Variants in AGO4 observed in about 807,000 individuals in gnomAD.
AGO4 encodes the protein protein argonaute-4.
Under a neutral mutation model 104.7 loss-of-function variants are expected in AGO4, and 33 were observed. That is an observed-to-expected ratio of 0.32 (90% CI 0.24 to 0.42). The LOEUF is 0.42. AGO4 is among the 10% of genes least tolerant of loss of function. AGO4 has a pLI of 1.00. For synonymous variants in AGO4, 331 were observed against 364.7 expected (o/e 0.91, Z 1.05); for missense variants, 711 against 1,083.4 (o/e 0.66, Z 4.83).
intron 2 of AGO4, among the ~76,000 whole-genome samples, chr1:35,821,470 C>CA (rs2148657319): frequency 6.6e-6 from 1 of 152,280 alleles, no homozygotes; most frequent in East Asian, 1.9e-4. Flanking sequence ...CTCTAGCATT[C>CA]AAAAATCTCA....
In AGO4 at chr1:35,857,604, C is replaced by A. The variant is rs1317285691; in HGVS notation, c.*3999C>A. 3 of 151,882 alleles carry A rather than the reference C, an allele frequency of 2.0e-5. No individual in the cohort carries two copies. The highest frequency in any genetic ancestry group is 7.3e-5 in the African/African-American group (3 of 41,346). The allele number at this position is 151,882 out of a possible 1,614,324, so 9.4% of individuals were successfully genotyped here. On this transcript the variant is annotated 3_prime_UTR_variant, in exon 18 of 18. Coordinates refer to ENST00000373210, the MANE Select transcript of AGO4 (RefSeq NM_017629.4). ...GTTTAAATTTTGCAATTTTTTTTGG[C>A]CTGCAGGGATATTTTGTGTTTATGT... is the stretch of plus-strand genomic sequence containing the variant.
At chr1:35,827,461 C>T (rs1458886649) in intron 7 of AGO4, among the ~76,000 whole-genome samples, 2 of 151,872 alleles carry the variant, frequency 1.3e-5, no homozygotes, top group Non-Finnish European at 2.9e-5. Context: ...GCAGAGTTTG[C>T]AGTGAGCCAA....
At position 35,851,295 on chromosome 1, in the gene AGO4, C is replaced by T. The variant is rs1644696187; in HGVS notation, c.2477+242C>T. 9 of 519,958 alleles carry T rather than the reference C, an allele frequency of 1.7e-5. No homozygotes were observed. In the South Asian group the frequency reaches 1.9e-4, roughly 11 times the overall value. 32.2% of individuals were successfully genotyped at this position (519,958 alleles called of 1,614,324 possible). A position where few individuals can be genotyped will look rare whatever the true frequency, so the allele number is the denominator to read the frequency against. On this transcript the variant is annotated intron_variant, in intron 17 of 17. Transcript: ENST00000373210. ...TAATTTGGAGCTGCTTGTGGTTCTCCCATGGAGCCAAATGCATTTCAGTTC... is the reference window on the plus strand; with the variant it reads ...TAATTTGGAGCTGCTTGTGGTTCTCTCATGGAGCCAAATGCATTTCAGTTC...
In AGO4 at chr1:35,841,811, CATATATATATATAT is replaced by C. The variant is rs5773512; in HGVS notation, c.2175+75_2175+88del. On this transcript the variant is annotated intron_variant, in intron 15 of 17. Coordinates refer to ENST00000373210, the MANE Select transcript of AGO4 (RefSeq NM_017629.4). The surrounding 1 kb of genome is among the most constrained non-coding windows in gnomAD (Gnocchi z 4.7). ...CTCTGGCAAGAGATGTATATATGCA[CATATATATATATAT>C]ATATATATATATACACCATTTTTAT... 2.0e-5 allele frequency: 12 copies of C among 606,460 alleles called. 1 individual carries two copies. The highest frequency in any genetic ancestry group is 1.0e-4 in the African/African-American group (5 of 49,610). 37.6% of individuals were successfully genotyped at this position (606,460 alleles called of 1,614,324 possible).
chr1:35,849,589 A>G (rs1287707932), intron 15 of AGO4, among the ~76,000 whole-genome samples: 1 of 145,748 alleles, frequency 6.9e-6, no homozygotes, highest in East Asian at 2.1e-4. Flanking sequence ...CAGGAGGCTG[A>G]GGTGAAAGGA....
chr1:35,822,495 C>G (rs1246603994), intron 2 of AGO4, among the ~76,000 whole-genome samples: 1 of 151,936 alleles, frequency 6.6e-6, no homozygotes, highest in Non-Finnish European at 1.5e-5. Context: ...CTCAAGTGAT[C>G]CACCCACCTC....
intron 2 of AGO4, among the ~76,000 whole-genome samples, chr1:35,821,324 A>G (rs917906124): frequency 1.3e-5 from 2 of 152,218 alleles, no homozygotes; most frequent in African/African-American, 4.8e-5. Context: ...GTTTGTAAAC[A>G]TGACTTTCCC....
intron 13 of AGO4, among the ~76,000 whole-genome samples, chr1:35,840,145 C>G (rs879065243): frequency 4.0e-5 from 6 of 150,090 alleles, no homozygotes; most frequent in Non-Finnish European, 8.9e-5. Context: ...GTGAGCGCCT[C>G]CATGCCCGTC....
At chr1:35,820,366 A>AT (rs993535638) in intron 2 of AGO4, among the ~76,000 whole-genome samples, 17 of 151,196 alleles carry the variant, frequency 1.1e-4, no homozygotes, top group South Asian at 6.3e-4. Context: ...TTATTTATGT[A>AT]TTTTTTTTTA....
intron 2 of AGO4, among the ~76,000 whole-genome samples, chr1:35,819,956 T>C (rs1457224845): frequency 1.3e-5 from 2 of 151,794 alleles, no homozygotes; most frequent in African/African-American, 2.4e-5. Context: ...GTGGAGAAAA[T>C]AAGGCTCCTA....
rs935178724 is a variant in AGO4, at chr1:35,857,787, CTT to C, written c.*4184_*4185del. 2.3e-4 allele frequency: 35 copies of C among 152,238 alleles called. No individual in the cohort carries two copies. Among genetic ancestry groups the C allele is most frequent in the African/African-American group, 7.9e-4 (33 of 41,542 alleles). 9.4% of individuals were successfully genotyped at this position (152,238 alleles called of 1,614,324 possible). A position where few individuals can be genotyped will look rare whatever the true frequency, so the allele number is the denominator to read the frequency against. ...AATTTTACAAAGAACAGTGGAAAAACTTTGTGTTTTTAACTCTTGGGTCTCCC... is the reference window on the plus strand; with the variant it reads ...AATTTTACAAAGAACAGTGGAAAAACTGTGTTTTTAACTCTTGGGTCTCCC... On this transcript the variant is annotated 3_prime_UTR_variant, in exon 18 of 18. Transcript: ENST00000373210.
At chr1:35,811,212 G>A (rs567264415) in intron 1 of AGO4, among the ~76,000 whole-genome samples, 5 of 151,772 alleles carry the variant, frequency 3.3e-5, no homozygotes, top group African/African-American at 1.2e-4. Context: ...AGTGGCTCAC[G>A]CCTGAAATCC....
Position 35,852,977 on chromosome 1 carries a change from G to A in AGO4, c.2478-520G>A, listed in dbSNP as rs910812777. 1.6e-4 allele frequency among the ~76,000 whole-genome samples: 25 copies of A among 152,144 alleles called. No individual in the cohort carries two copies. The South Asian group carries it at 2.3e-3, about 14-fold the overall frequency. ...ATTAAAGAAGTTCAGTTGGCCTGGC[G>A]CGGTGGCTCACGCCTGTAATCCCAG... On this transcript the variant is annotated intron_variant, in intron 17 of 17. Transcript: ENST00000373210.
At position 35,841,572 on chromosome 1, in the gene AGO4, T is replaced by C. The variant is rs371703144; in HGVS notation, c.2041-44T>C. 161 of 1,613,482 alleles carry C rather than the reference T, an allele frequency of 1.0e-4. 1 individual carries two copies. In the South Asian group the frequency reaches 1.1e-3, roughly 11 times the overall value. On this transcript the variant is annotated intron_variant, in intron 14 of 17. Transcript: ENST00000373210. The surrounding 1 kb of genome is among the most constrained non-coding windows in gnomAD (Gnocchi z 4.7). The stretch of plus-strand genomic sequence containing the variant: ...CATTCTGGGTAGATCTGAGAGATAC[T>C]AGGCAAATTCTCAATTAAACATAAT...
intron 13 of AGO4, among the ~76,000 whole-genome samples, chr1:35,838,229 T>G (rs1324439808): frequency 6.6e-6 from 1 of 152,174 alleles, no homozygotes; most frequent in East Asian, 1.9e-4. Context: ...ATTTTTGTAT[T>G]TTTAGTAGAG....
At chr1:35,818,541 T>G (rs1571260776) in intron 2 of AGO4, among the ~76,000 whole-genome samples, 1 of 151,948 alleles carries the variant, frequency 6.6e-6, no homozygotes, top group East Asian at 1.9e-4. Flanking sequence ...GGAGAATCAC[T>G]TGAATCTGGG....
At chr1:35,825,889 T>A in intron 5 of AGO4, 37 bp from the exon 6 acceptor site, 1 of 1,607,310 alleles carries the variant, frequency 6.2e-7, no homozygotes, top group Non-Finnish European at 8.5e-7. Flanking sequence ...GGCCCTTCCC[T>A]TTTCCCTGAA....
chr1:35,821,239 C>G (rs541594685), intron 2 of AGO4, among the ~76,000 whole-genome samples: 1 of 152,286 alleles, frequency 6.6e-6, no homozygotes, highest in East Asian at 1.9e-4. Flanking sequence ...ACGTATAGTT[C>G]TTAAGTTAGC....
chr1:35,808,531 G>A lies in AGO4; in HGVS notation c.19+96G>A. On this transcript the variant is annotated intron_variant, in intron 1 of 17. Coordinates refer to ENST00000373210, the MANE Select transcript of AGO4 (RefSeq NM_017629.4). This position sits in a 1 kb window ranked among gnomAD's most constrained non-coding sequence, Gnocchi z 5.2. ...TGCCCCGTCGCCTCGCCGGGTTCGG[G>A]CCGCCAGGCCTCGGGGAAGGGGACC... 1 of 1,083,948 alleles carries A rather than the reference G, an allele frequency of 9.2e-7. No homozygotes were observed. The highest frequency in any genetic ancestry group is 1.1e-6 in the Non-Finnish European group (1 of 876,092). 67.1% of individuals were successfully genotyped at this position (1,083,948 alleles called of 1,614,324 possible).
Sources: allele counts gnomAD v4.1 joint callset (sites outside exome capture counted in the v4.1 genomes callset), GRCh38; gene constraint gnomAD v4.1.1; non-coding constraint Gnocchi (gnomAD v3.1); transcripts MANE v1.5; gene names NCBI Gene and HGNC (gene_info 2026-07-23, HGNC 2026-07-21).